Variants in PIK3R5 observed in about 807,000 individuals in gnomAD.
PIK3R5 encodes the protein phosphoinositide-3-kinase regulatory subunit 5.
PIK3R5 carries 32 observed loss-of-function variants against 94.9 expected under a neutral mutation model. The observed-to-expected ratio is 0.34, with a 90% CI of 0.25 to 0.45. The LOEUF is 0.45. Ranked by LOEUF, PIK3R5 falls within the 20% of genes least tolerant of loss-of-function variation. The probability of loss-of-function intolerance (pLI) is 1.00; values close to 1 mark genes in which losing one functional copy is unlikely to be tolerated. For missense variants in PIK3R5, 853 were observed against 1,144.6 expected (o/e 0.75, Z 3.68); for synonymous variants, 443 against 479.4 (o/e 0.92, Z 0.99).
chr17:8,940,416 C>G (rs2091154828), intron 1 of PIK3R5, among the ~76,000 whole-genome samples: 1 of 152,214 alleles, frequency 6.6e-6, no homozygotes, highest in African/African-American at 2.4e-5. Context: ...AAGAGCTCAT[C>G]CCTGACAAGA....
rs9905157 is a variant in PIK3R5 at position 8,929,790 on chromosome 17, C to A, written c.-13-18283G>T. 3.2e-3 allele frequency among the ~76,000 whole-genome samples: 490 copies of A among 151,596 alleles called. 5 individuals carry two copies. Among genetic ancestry groups the A allele is most frequent in the African/African-American group, 0.011 (469 of 41,248 alleles). ...TGCAAAGAAATACAGAGTTGTATAA[C>A]GGACATTGGAGACTCAGAATGGGGG... On this transcript the variant is annotated intron_variant, in intron 1 of 18. Transcript: ENST00000447110.
rs543269597 is a variant in PIK3R5, at chr17:8,946,610, C to T, written c.-14+18986G>A. On this transcript the variant is annotated intron_variant, in intron 1 of 18. Coordinates refer to ENST00000447110, the MANE Select transcript of PIK3R5 (RefSeq NM_001142633.3). The stretch of plus-strand genomic sequence containing the variant: ...AATATGAGCACAAGATGCTTTGCTG[C>T]GTGTTGTGGTAGCTGCAAAGATGAC... Among the ~76,000 whole-genome samples, 43 of 152,168 alleles carry T rather than the reference C, an allele frequency of 2.8e-4. No individual in the cohort carries two copies. The South Asian group carries it at 7.9e-3, about 28-fold the overall frequency.
Position 8,888,444 on chromosome 17 carries a change from T to A in PIK3R5, c.1343A>T (p.Asp448Val). The change falls in exon 10 of 19, where the codon GAC (aspartate) becomes GTC (valine). Residue 448 changes from aspartate to valine, a missense_variant. Transcript: ENST00000447110. This position sits in a 1 kb window ranked among gnomAD's most constrained non-coding sequence, Gnocchi z 7.8. Reference sequence around the variant, plus strand: ...TGCCCGCCTCAGGGGCAGGGCCGTGTCCGAGCTGCCCTCCAGGCTCCGAGA... The same window carrying A: ...TGCCCGCCTCAGGGGCAGGGCCGTGACCGAGCTGCCCTCCAGGCTCCGAGA... Reference protein sequence around the residue: ...RDSRSLEGSSDTALPLRRAGS... With the variant: ...RDSRSLEGSSVTALPLRRAGS... 6.3e-7 allele frequency: 1 copy of A among 1,599,144 alleles called. No homozygotes were observed. Among genetic ancestry groups the A allele is most frequent in the Non-Finnish European group, 8.5e-7 (1 of 1,173,964 alleles).
At chr17:8,927,906 C>T (rs2090918521) in intron 1 of PIK3R5, among the ~76,000 whole-genome samples, 1 of 152,142 alleles carries the variant, frequency 6.6e-6, no homozygotes, top group Non-Finnish European at 1.5e-5. Flanking sequence ...GCACCTTCCC[C>T]CTGCACCCAG....
intron 1 of PIK3R5, among the ~76,000 whole-genome samples, chr17:8,919,602 T>C (rs1479417239): frequency 6.6e-6 from 1 of 152,224 alleles, no homozygotes; most frequent in Non-Finnish European, 1.5e-5. Flanking sequence ...TGGAACATCT[T>C]GATGACCACC....
chr17:8,889,932 A>G lies in PIK3R5; in HGVS notation c.811+41T>C. 4 of 1,609,116 alleles carry G rather than the reference A, an allele frequency of 2.5e-6. No individual in the cohort carries two copies. In the South Asian group the frequency reaches 4.4e-5, roughly 18 times the overall value. On this transcript the variant is annotated intron_variant, in intron 8 of 18. Coordinates refer to ENST00000447110, the MANE Select transcript of PIK3R5 (RefSeq NM_001142633.3). The surrounding 1 kb of genome is among the most constrained non-coding windows in gnomAD (Gnocchi z 4.1). ...TGCACCTTGGGACCTAGAATAGGCC[A>G]TGGGGAATGTGGGAGAACCCCATTC...
At position 8,905,751 on chromosome 17, in the gene PIK3R5, G is replaced by A. The variant is rs1567647124; in HGVS notation, c.205-14C>T. On this transcript the variant is annotated splice_polypyrimidine_tract_variant and intron_variant, in intron 3 of 18. Transcript: ENST00000447110. ...CTTCTCCTGGACCTGTGGAGAGGAGGAGAAGGGGAATGAGCCTCATTCACG... is the reference window on the plus strand; with the variant it reads ...CTTCTCCTGGACCTGTGGAGAGGAGAAGAAGGGGAATGAGCCTCATTCACG... 6.3e-7 allele frequency: 1 copy of A among 1,583,942 alleles called. No individual in the cohort carries two copies. Among genetic ancestry groups the A allele is most frequent in the African/African-American group, 1.3e-5 (1 of 74,216 alleles).
intron 1 of PIK3R5, among the ~76,000 whole-genome samples, chr17:8,950,058 G>C (rs2091349411): frequency 6.6e-6 from 1 of 152,166 alleles, no homozygotes. Flanking sequence ...GGGATCAATG[G>C]ATTCACTGAC....
chr17:8,881,145 C>T lies in PIK3R5; in HGVS notation c.2383-128G>A, dbSNP rs146329965. The T allele has an allele frequency of 2.5e-4, 183 of 720,678 alleles. 2 individuals carry two copies. The East Asian group carries it at 4.2e-3, about 17-fold the overall frequency. The allele number at this position is 720,678 out of a possible 1,614,324, so 44.6% of individuals were successfully genotyped here. A position where few individuals can be genotyped will look rare whatever the true frequency, so the allele number is the denominator to read the frequency against. ...GGGAGGGCAGGGGTTTGTCTGACTG[C>T]GCTCCAGGGTTAATGGCCAGGTCAC... On this transcript the variant is annotated intron_variant, in intron 17 of 18. Coordinates refer to ENST00000447110, the MANE Select transcript of PIK3R5 (RefSeq NM_001142633.3). The surrounding 1 kb of genome is among the most constrained non-coding windows in gnomAD (Gnocchi z 4.8).
Position 8,887,585 on chromosome 17 carries a change from C to G in PIK3R5, c.1715G>C (p.Cys572Ser), listed in dbSNP as rs766618755. 1.9e-6 allele frequency: 3 copies of G among 1,609,330 alleles called. No individual in the cohort carries two copies. Among genetic ancestry groups the G allele is most frequent in the East Asian group, 4.5e-5 (2 of 44,802 alleles). Residue 572 changes from cysteine (C) to serine (S), a missense_variant, in exon 11 of 19, where the codon TGT becomes TCT. Coordinates refer to ENST00000447110, the MANE Select transcript of PIK3R5 (RefSeq NM_001142633.3). Reference protein sequence around the residue: ...KRSHGTSPGACPPPRSQTPSP... With the variant: ...KRSHGTSPGASPPPRSQTPSP... Reference sequence around the variant, plus strand: ...GGGCGTCTGGCTCCGAGGGGGTGGACAGGCACCAGGGCTGGTCCCATGACT... The same window carrying G: ...GGGCGTCTGGCTCCGAGGGGGTGGAGAGGCACCAGGGCTGGTCCCATGACT...
chr17:8,908,929 G>T, intron 3 of PIK3R5, 145 bp downstream of exon 3: 1 of 591,494 alleles, frequency 1.7e-6, no homozygotes, highest in Non-Finnish European at 3.0e-6. Context: ...AAGTGCTACC[G>T]AAACACAAAA....
rs1329961611 is a variant in PIK3R5, at chr17:8,888,750, A to C, written c.1037T>G (p.Leu346Arg). The change falls in exon 10 of 19, where the codon CTG (leucine) becomes CGG (arginine). Residue 346 changes from leucine to arginine, a missense_variant. Transcript: ENST00000447110. The surrounding 1 kb of genome is among the most constrained non-coding windows in gnomAD (Gnocchi z 7.8). ...TDGHCAERDS[L>R]LSTSSLASHD... ...GGACGCCAAAGAGCTGGTGGAGAGC[A>C]GGGAATCTCTCTCGGCACAGTGCCC... 1.2e-6 allele frequency: 2 copies of C among 1,613,482 alleles called. No homozygotes were observed. Among genetic ancestry groups the C allele is most frequent in the Non-Finnish European group, 1.7e-6 (2 of 1,179,996 alleles).
At chr17:8,944,506 C>A (rs1276715966) in intron 1 of PIK3R5, among the ~76,000 whole-genome samples, 2 of 152,172 alleles carry the variant, frequency 1.3e-5, no homozygotes, top group Non-Finnish European at 2.9e-5. Flanking sequence ...GTAAAGGGAG[C>A]AAGATGAATT....
At position 8,886,574 on chromosome 17, in the gene PIK3R5, T is replaced by C. The variant is rs140878910; in HGVS notation, c.1937A>G (p.Glu646Gly). Reference sequence around the variant, plus strand: ...GATGGGCAGCTGGGTTGGGGAGCCCTCCAGGGCCTGGGCTTCAGCCTTCAG... The same window carrying C: ...GATGGGCAGCTGGGTTGGGGAGCCCCCCAGGGCCTGGGCTTCAGCCTTCAG... Reference protein sequence around the residue: ...QSLKAEAQALEGSPTQLPILA... With the variant: ...QSLKAEAQALGGSPTQLPILA... Residue 646 changes from glutamate to glycine, a missense_variant, in exon 13 of 19, where the codon GAG becomes GGG. Glu to Gly is a moderately conservative substitution (Grantham distance 98). Coordinates refer to ENST00000447110, the MANE Select transcript of PIK3R5 (RefSeq NM_001142633.3). 9.9e-6 allele frequency: 16 copies of C among 1,608,954 alleles called. No individual in the cohort carries two copies. The African/African-American group carries it at 2.0e-4, about 20-fold the overall frequency.
At position 8,888,944 on chromosome 17, in the gene PIK3R5, T is replaced by A. The variant is rs2089955502; in HGVS notation, c.896-53A>T. 1 of 1,552,942 alleles carries A rather than the reference T, an allele frequency of 6.4e-7. No homozygotes were observed. Among genetic ancestry groups the A allele is most frequent in the African/African-American group, 1.4e-5 (1 of 73,818 alleles). On this transcript the variant is annotated intron_variant, in intron 9 of 18. Transcript: ENST00000447110. The surrounding 1 kb of genome is among the most constrained non-coding windows in gnomAD (Gnocchi z 7.8). ...TGGGCGTCTGGGCCCCGGATCCCCT[T>A]CTATATTCCCTTTGGAGGGGAGACA...
At chr17:8,958,126 C>T (rs2091494432) in intron 1 of PIK3R5, among the ~76,000 whole-genome samples, 1 of 152,092 alleles carries the variant, frequency 6.6e-6, no homozygotes, top group Admixed American at 6.5e-5. Context: ...GCCTGGCCAA[C>T]ATGGTGAATC....
chr17:8,908,265 G>GT (rs1224106615), intron 3 of PIK3R5, among the ~76,000 whole-genome samples: 1 of 152,090 alleles, frequency 6.6e-6, no homozygotes, highest in Non-Finnish European at 1.5e-5. Context: ...AATAGACAAT[G>GT]TGTCTACCAA....
At position 8,922,671 on chromosome 17, in the gene PIK3R5, T is replaced by G. The variant is rs371737469; in HGVS notation, c.-13-11164A>C. On this transcript the variant is annotated intron_variant, in intron 1 of 18. Transcript: ENST00000447110. ...TGGCTGAGTTTCCATTGTTGGTGAT[T>G]CATTCTCCTTGGGTTAGGGCTGTTC... is the stretch of plus-strand genomic sequence containing the variant. Among the ~76,000 whole-genome samples, 210 of 152,292 alleles carry G rather than the reference T, an allele frequency of 1.4e-3. 1 individual carries two copies. Among genetic ancestry groups the G allele is most frequent in the African/African-American group, 4.5e-3 (189 of 41,562 alleles).
At chr17:8,886,751 A>T in intron 12 of PIK3R5, 146 bp from the exon 13 acceptor site, 1 of 964,820 alleles carries the variant, frequency 1.0e-6, no homozygotes. Context: ...GAAGCAGGGG[A>T]GGGCCGGTGC....
Sources: gnomAD v4.1 joint callset for allele counts (sites outside exome capture counted in the v4.1 genomes callset) on GRCh38, gnomAD v4.1.1 for gene constraint, Gnocchi (gnomAD v3.1) non-coding constraint, MANE v1.5 for transcripts, NCBI Gene and HGNC (gene_info 2026-07-23, HGNC 2026-07-21) for gene names.